Variants in CAB39 observed in about 807,000 individuals in gnomAD.
The protein encoded by CAB39 is calcium binding protein 39.
A neutral mutation model predicts 40.0 loss-of-function variants in CAB39; 8 were observed. The ratio of observed to expected loss-of-function variants is 0.20; its 90% confidence interval spans 0.12 to 0.36. The LOEUF (loss-of-function observed/expected upper bound fraction) is 0.36. Among genes scored for constraint, CAB39 ranks in the 10% least tolerant of loss-of-function variants. The pLI, the probability that CAB39 is intolerant of heterozygous loss-of-function variation, is 1.00. For synonymous variants in CAB39, 156 were observed against 141.6 expected, an observed-to-expected ratio of 1.10 and a Z score of -0.72; for missense variants, 270 against 401.1, an observed-to-expected ratio of 0.67 and a Z score of 2.79.
rs772456126 is a variant in CAB39, at chr2:230,810,341, A to G, written c.627+19A>G. The G allele has an allele frequency of 4.4e-6, 4 of 915,194 alleles. No homozygotes were observed. The highest frequency in any genetic ancestry group is 2.8e-5 in the East Asian group (1 of 35,250). 56.7% of individuals were successfully genotyped at this position (915,194 alleles called of 1,614,324 possible). The stretch of plus-strand genomic sequence containing the variant: ...TGATAGAGTAAGTATATGAAATACT[A>G]TTTTTAAATAATAAATTGTAACTTT... On this transcript the variant is annotated intron_variant, in intron 6 of 8. Coordinates refer to ENST00000258418, the MANE Select transcript of CAB39 (RefSeq NM_016289.4).
chr2:230,770,699 G>A (rs909086213), intron 2 of CAB39, among the ~76,000 whole-genome samples: 1 of 152,088 alleles, frequency 6.6e-6, no homozygotes, highest in Non-Finnish European at 1.5e-5. Context: ...CTCTATTTTA[G>A]CAAATTGAAT....
intron 4 of CAB39, among the ~76,000 whole-genome samples, chr2:230,795,294 C>T (rs1695964924): frequency 1.3e-5 from 2 of 149,624 alleles, no homozygotes; most frequent in South Asian, 4.2e-4. Flanking sequence ...AAAAAAAGTT[C>T]CAAACAAGGC....
At chr2:230,781,390 C>T (rs563883075) in intron 2 of CAB39, among the ~76,000 whole-genome samples, 5 of 152,098 alleles carry the variant, frequency 3.3e-5, no homozygotes, top group African/African-American at 7.2e-5. Flanking sequence ...GCTTTGAAGT[C>T]GAATGACATG....
intron 1 of CAB39, among the ~76,000 whole-genome samples, chr2:230,759,006 G>T: frequency 6.6e-6 from 1 of 152,082 alleles, no homozygotes; most frequent in South Asian, 2.1e-4. Flanking sequence ...TCTCCTTTTG[G>T]ATGATGTAAT....
chr2:230,731,518 T>C (rs992874829), intron 1 of CAB39, among the ~76,000 whole-genome samples: 1 of 152,238 alleles, frequency 6.6e-6, no homozygotes, highest in Non-Finnish European at 1.5e-5. Flanking sequence ...AAAATACTTT[T>C]TTTGAGACAA....
intron 3 of CAB39, among the ~76,000 whole-genome samples, chr2:230,791,858 T>C (rs1233431516): frequency 1.3e-5 from 2 of 152,246 alleles, no homozygotes; most frequent in Non-Finnish European, 2.9e-5. Flanking sequence ...ATATTTGCGA[T>C]GCATATATGG....
intron 2 of CAB39, among the ~76,000 whole-genome samples, chr2:230,784,587 GAGTT>G (rs1695754981): frequency 6.6e-6 from 1 of 152,170 alleles, no homozygotes; most frequent in African/African-American, 2.4e-5. Context: ...AGCAACCAGA[GAGTT>G]AGGAGGGAAA....
chr2:230,817,137 G>A (rs528774470), intron 7 of CAB39, among the ~76,000 whole-genome samples: 1 of 152,146 alleles, frequency 6.6e-6, no homozygotes, highest in Non-Finnish European at 1.5e-5. Flanking sequence ...AGCATTAATT[G>A]GTATAATTAG....
At chr2:230,816,798 A>G (rs1018601481) in intron 7 of CAB39, among the ~76,000 whole-genome samples, 3 of 152,122 alleles carry the variant, frequency 2.0e-5, no homozygotes, top group Admixed American at 1.3e-4. Flanking sequence ...AGATGATGGA[A>G]CCGAGACACA....
chr2:230,814,042 CT>C lies in CAB39; in HGVS notation c.628-3del. 3.8e-6 allele frequency: 1 copy of C among 262,764 alleles called. No homozygotes were observed. The highest frequency in any genetic ancestry group is 4.2e-5 in the South Asian group (1 of 23,844). The allele number at this position is 262,764 out of a possible 1,614,324, so 16.3% of individuals were successfully genotyped here. The stretch of plus-strand genomic sequence containing the variant: ...ATAACCCTGATTTATGTTCTCTTAT[CT>C]TTTAGTTTTTCAGTGAATATGAGAA... On this transcript the variant is annotated splice_polypyrimidine_tract_variant and splice_region_variant and intron_variant, in intron 6 of 8. Coordinates refer to ENST00000258418, the MANE Select transcript of CAB39 (RefSeq NM_016289.4).
chr2:230,787,446 A>G (rs981706475), intron 2 of CAB39, among the ~76,000 whole-genome samples: 18 of 152,224 alleles, frequency 1.2e-4, no homozygotes, highest in Non-Finnish European at 5.9e-5. Flanking sequence ...AGTTACTGCC[A>G]TAATCTTGAA....
At chr2:230,765,425 A>G (rs998923481) in intron 2 of CAB39, among the ~76,000 whole-genome samples, 68 of 152,174 alleles carry the variant, frequency 4.5e-4, no homozygotes, top group African/African-American at 1.6e-3. Flanking sequence ...TTGACCTTAC[A>G]GACGCTTTGA....
At chr2:230,733,284 A>G (rs756278677) in intron 1 of CAB39, among the ~76,000 whole-genome samples, 3 of 152,042 alleles carry the variant, frequency 2.0e-5, no homozygotes, top group Non-Finnish European at 2.9e-5. Context: ...AGCAGTTGCA[A>G]GACTAGCTGT....
At chr2:230,816,655 G>A (rs1426674576) in intron 7 of CAB39, among the ~76,000 whole-genome samples, 2 of 152,200 alleles carry the variant, frequency 1.3e-5, no homozygotes, top group African/African-American at 2.4e-5. Context: ...CCACAGAGCC[G>A]CTATTTGCGC....
At chr2:230,715,601 AT>A (rs1694334481) in intron 1 of CAB39, among the ~76,000 whole-genome samples, 1 of 152,202 alleles carries the variant, frequency 6.6e-6, no homozygotes, top group South Asian at 2.1e-4. Context: ...TAGGTTAACT[AT>A]TTTTTGAACA....
chr2:230,756,521 G>A (rs1568247), intron 1 of CAB39, among the ~76,000 whole-genome samples: 21,992 of 152,022 alleles, frequency 0.14, 2,335 homozygotes, highest in African/African-American at 0.31. Context: ...CAGAAGTTTT[G>A]GGGAGTGTTA....
At chr2:230,742,264 T>G (rs1236034069) in intron 1 of CAB39, among the ~76,000 whole-genome samples, 1 of 152,138 alleles carries the variant, frequency 6.6e-6, no homozygotes, top group Non-Finnish European at 1.5e-5. Flanking sequence ...AAGCTCCGTC[T>G]CCCGGGTTCA....
intron 2 of CAB39, among the ~76,000 whole-genome samples, chr2:230,762,017 C>T (rs1024912498): frequency 6.6e-6 from 1 of 152,042 alleles, no homozygotes; most frequent in Admixed American, 6.6e-5. Flanking sequence ...GAGCAGTTCT[C>T]CTGTCCCAGA....
chr2:230,771,396 A>G (rs1421448980), intron 2 of CAB39, among the ~76,000 whole-genome samples: 2 of 152,210 alleles, frequency 1.3e-5, no homozygotes, highest in Non-Finnish European at 2.9e-5. Context: ...TTAGAATAGC[A>G]TAAAAACATG....
Sources: allele counts gnomAD v4.1 joint callset (sites outside exome capture counted in the v4.1 genomes callset), GRCh38; gene constraint gnomAD v4.1.1; transcripts MANE v1.5; gene names NCBI Gene and HGNC (gene_info 2026-07-23, HGNC 2026-07-21).